Variants in SYT14 observed in about 807,000 individuals in gnomAD.
SYT14 encodes synaptotagmin 14.
Under a neutral mutation model 74.2 loss-of-function variants are expected in SYT14, and 32 were observed. The ratio of observed to expected loss-of-function variants is 0.43; its 90% CI spans 0.33 to 0.58. The LOEUF is 0.58. Among genes scored for constraint, SYT14 ranks in the 20% least tolerant of loss-of-function variants. The probability of loss-of-function intolerance (pLI) is 0.05; values close to 1 mark genes in which losing one functional copy is unlikely to be tolerated. For missense variants in SYT14, 791 were observed against 981.8 expected, an observed-to-expected ratio of 0.81 and a Z score of 2.60; for synonymous variants, 298 against 337.7, an observed-to-expected ratio of 0.88 and a Z score of 1.29.
rs35639848 is a variant in SYT14 at position 209,970,662 on chromosome 1, C to CTTTTTTTTTTTTTTTT, written c.-486+17930_-486+17945dup. On this transcript the variant is annotated intron_variant, in intron 2 of 9. Transcript: ENST00000637265. The stretch of plus-strand genomic sequence containing the variant: ...TTACAGATTGCTTTGGGCAGTATGG[C>CTTTTTTTTTTTTTTTT]TTTTTTTTTTTTTTTTTTTTTTTTT... Among the ~76,000 whole-genome samples, 7 of 62,806 alleles carry CTTTTTTTTTTTTTTTT rather than the reference C, an allele frequency of 1.1e-4. 3 individuals are homozygous for CTTTTTTTTTTTTTTTT. The highest frequency in any genetic ancestry group is 2.0e-4 in the Non-Finnish European group (7 of 35,340). The allele number at this position is 62,806 out of a possible 152,430, so 41.2% of individuals were successfully genotyped here. A position where few individuals can be genotyped will look rare whatever the true frequency, so the allele number is the denominator to read the frequency against.
chr1:210,094,205 A>G, intron 5 of SYT14, 117 bp from the exon 5 acceptor site: 2 of 1,337,024 alleles, frequency 1.5e-6, no homozygotes, highest in Non-Finnish European at 2.1e-6. Flanking sequence ...TAAATCTAAT[A>G]GTTATGTTGC....
intron 5 of SYT14, among the ~76,000 whole-genome samples, chr1:210,036,054 A>G (rs1357897431): frequency 6.6e-6 from 1 of 151,968 alleles, no homozygotes; most frequent in East Asian, 1.9e-4. Context: ...TTGTCTCTCC[A>G]TTTGTTGGTA....
chr1:209,944,500 T>C (rs2078790078), intron 1 of SYT14, among the ~76,000 whole-genome samples: 1 of 152,216 alleles, frequency 6.6e-6, no homozygotes, highest in Admixed American at 6.5e-5. Flanking sequence ...TATAAAGTGC[T>C]CTGAGATATT....
At chr1:210,101,692 A>G (rs1999642) in intron 7 of SYT14, among the ~76,000 whole-genome samples, 100,416 of 150,806 alleles carry the variant, frequency 0.67, 34,427 homozygotes, top group East Asian at 0.85. Context: ...AATATTTCGG[A>G]GGGGGGAAGA....
chr1:210,171,116 T>C (rs534792989), exon 10 of SYT14: 2 of 152,340 alleles, frequency 1.3e-5, no homozygotes, highest in East Asian at 3.9e-4. Context: ...GATTTTTAAT[T>C]CTTTTTCATT....
chr1:209,943,467 C>T (rs2078769012), intron 1 of SYT14, among the ~76,000 whole-genome samples: 2 of 126,396 alleles, frequency 1.6e-5, no homozygotes, highest in Non-Finnish European at 3.1e-5. Flanking sequence ...CAAGATCGTG[C>T]CACTGCACTT....
intron 7 of SYT14, among the ~76,000 whole-genome samples, chr1:210,104,658 C>T (rs2102558904): frequency 6.6e-6 from 1 of 152,108 alleles, no homozygotes; most frequent in South Asian, 2.1e-4. Flanking sequence ...TTCCCTTTTT[C>T]CTCATCCTGG....
At chr1:210,042,621 T>A (rs1017473132) in intron 5 of SYT14, among the ~76,000 whole-genome samples, 2 of 152,240 alleles carry the variant, frequency 1.3e-5, no homozygotes, top group African/African-American at 2.4e-5. Flanking sequence ...TAGGGAATCC[T>A]TTCCCCATTG....
At chr1:209,942,255 A>G (rs930341602) in intron 1 of SYT14, among the ~76,000 whole-genome samples, 6 of 151,482 alleles carry the variant, frequency 4.0e-5, no homozygotes, top group Non-Finnish European at 8.8e-5. Context: ...GTAGCTAGAT[A>G]CTTTCACATG....
chr1:210,067,294 C>T (rs530053428), intron 5 of SYT14, among the ~76,000 whole-genome samples: 21 of 152,014 alleles, frequency 1.4e-4, no homozygotes, highest in Admixed American at 2.6e-4. Context: ...CTTGCAATTC[C>T]GTATGGATTT....
At chr1:210,082,733 G>A (rs1011175619) in intron 5 of SYT14, among the ~76,000 whole-genome samples, 2 of 152,182 alleles carry the variant, frequency 1.3e-5, no homozygotes, top group African/African-American at 4.8e-5. Flanking sequence ...GCTAACTGGT[G>A]TTCCTTGGTC....
chr1:210,030,762 T>C (rs1294819511), intron 5 of SYT14, among the ~76,000 whole-genome samples: 1 of 152,142 alleles, frequency 6.6e-6, no homozygotes, highest in Non-Finnish European at 1.5e-5. Flanking sequence ...TTGGGATTCA[T>C]GCATGTCTGT....
chr1:210,032,923 G>A (rs1187818825), intron 5 of SYT14, among the ~76,000 whole-genome samples: 1 of 151,242 alleles, frequency 6.6e-6, no homozygotes, highest in Non-Finnish European at 1.5e-5. Flanking sequence ...CCAAATTATT[G>A]CATTTTCAAT....
chr1:210,152,324 C>G (rs940766506), intron 7 of SYT14, among the ~76,000 whole-genome samples: 1 of 152,172 alleles, frequency 6.6e-6, no homozygotes, highest in African/African-American at 2.4e-5. Flanking sequence ...TCCTTCATTA[C>G]TTCTACAGCC....
At chr1:210,009,104 T>G (rs909680088) in intron 2 of SYT14, among the ~76,000 whole-genome samples, 2 of 152,222 alleles carry the variant, frequency 1.3e-5, no homozygotes, top group Non-Finnish European at 2.9e-5. Flanking sequence ...CATCCTGAGC[T>G]GCATATGTCT....
At chr1:210,123,711 T>C (rs2082512145) in intron 7 of SYT14, among the ~76,000 whole-genome samples, 2 of 152,064 alleles carry the variant, frequency 1.3e-5, no homozygotes, top group Admixed American at 1.3e-4. Context: ...ACGTTTAGAG[T>C]TTTTTGGGGA....
In SYT14 at chr1:210,114,902, TG is replaced by T. The variant is rs1270052128; in HGVS notation, c.2034+14444del. Among the ~76,000 whole-genome samples, 3 of 150,808 alleles carry T rather than the reference TG, an allele frequency of 2.0e-5. 1 individual carries two copies. The highest frequency in any genetic ancestry group is 7.4e-5 in the African/African-American group (3 of 40,288). ...CCTGGGGAGGAGGGGAGAGGTCAGA[TG>T]GGTCCATAGAAAAGGAAGATTGGAA... is the stretch of plus-strand genomic sequence containing the variant. On this transcript the variant is annotated intron_variant, in intron 7 of 9. Transcript: ENST00000637265.
At chr1:210,122,379 C>T (rs2082485104) in intron 7 of SYT14, among the ~76,000 whole-genome samples, 1 of 152,188 alleles carries the variant, frequency 6.6e-6, no homozygotes, top group Non-Finnish European at 1.5e-5. Flanking sequence ...GTTTTCTTCA[C>T]TGTAAGATCC....
intron 7 of SYT14, among the ~76,000 whole-genome samples, chr1:210,123,391 G>T (rs966661082): frequency 6.6e-6 from 1 of 152,144 alleles, no homozygotes; most frequent in Non-Finnish European, 1.5e-5. Context: ...CACACAGAAG[G>T]AGAGAACTAA....
Sources: allele counts gnomAD v4.1 joint callset (sites outside exome capture counted in the v4.1 genomes callset), GRCh38; gene constraint gnomAD v4.1.1; transcripts MANE v1.5; gene names NCBI Gene and HGNC (gene_info 2026-07-23, HGNC 2026-07-21).